Variants in CTNND2 observed in about 807,000 individuals in gnomAD.
The protein encoded by CTNND2 is catenin delta 2.
CTNND2 carries 22 observed loss-of-function variants against 144.4 expected under a neutral mutation model. The ratio of observed to expected loss-of-function variants is 0.15; its 90% confidence interval spans 0.11 to 0.22. CTNND2 has a LOEUF of 0.22. Ranked by LOEUF, CTNND2 falls within the 10% of genes least tolerant of loss-of-function variation. The pLI, the probability that CTNND2 is intolerant of heterozygous loss-of-function variation, is 1.00. For missense variants in CTNND2, 1,353 were observed against 1,618.8 expected (o/e 0.84, Z 2.82); for synonymous variants, 751 against 695.6 (o/e 1.08, Z -1.25).
At chr5:11,638,699 C>T (rs185577702) in intron 2 of CTNND2, among the ~76,000 whole-genome samples, 2 of 152,112 alleles carry the variant, frequency 1.3e-5, no homozygotes, top group African/African-American at 4.8e-5. Flanking sequence ...TCAGCCTCCC[C>T]AGTAGCTGGA....
intron 3 of CTNND2, among the ~76,000 whole-genome samples, chr5:11,466,128 A>C (rs2149944202): frequency 6.6e-6 from 1 of 152,224 alleles, no homozygotes; most frequent in South Asian, 2.1e-4. Context: ...CAGCCTCCTA[A>C]GTAGCTGGGA....
At chr5:11,652,789 A>G (rs1782711244) in intron 2 of CTNND2, among the ~76,000 whole-genome samples, 3 of 152,144 alleles carry the variant, frequency 2.0e-5, no homozygotes, top group Admixed American at 2.0e-4. Context: ...ATTATTAACT[A>G]TGGTTACCAT....
chr5:11,755,641 C>CTT (rs377766540), intron 1 of CTNND2, among the ~76,000 whole-genome samples: 28,614 of 140,034 alleles, frequency 0.2, 3,573 homozygotes, highest in African/African-American at 0.33. Flanking sequence ...GTTCATTCTT[C>CTT]TTTTTTTTTT....
intron 2 of CTNND2, among the ~76,000 whole-genome samples, chr5:11,670,258 A>C (rs1783812411): frequency 1.3e-5 from 2 of 152,164 alleles, no homozygotes; most frequent in African/African-American, 4.8e-5. Flanking sequence ...GTAGATGTTT[A>C]TTAGGTCTAC....
intron 11 of CTNND2, among the ~76,000 whole-genome samples, chr5:11,196,065 A>G (rs1736829325): frequency 6.6e-6 from 1 of 152,234 alleles, no homozygotes; most frequent in Non-Finnish European, 1.5e-5. Flanking sequence ...ATGTAAATGC[A>G]TGTAAATATC....
chr5:11,461,986 T>C (rs1443824896), intron 3 of CTNND2, among the ~76,000 whole-genome samples: 1 of 152,080 alleles, frequency 6.6e-6, no homozygotes, highest in Admixed American at 6.5e-5. Context: ...TGTTCTGAAC[T>C]GACAAAATAC....
At chr5:11,735,895 G>T (rs941559325) in intron 1 of CTNND2, among the ~76,000 whole-genome samples, 1 of 152,122 alleles carries the variant, frequency 6.6e-6, no homozygotes, top group African/African-American at 2.4e-5. Flanking sequence ...TAATACACAA[G>T]GAGCACCTCA....
At chr5:11,373,113 A>T (rs1757611341) in intron 7 of CTNND2, among the ~76,000 whole-genome samples, 1 of 152,242 alleles carries the variant, frequency 6.6e-6, no homozygotes, top group African/African-American at 2.4e-5. Flanking sequence ...CCATTCTATC[A>T]GCTGCTGCAG....
chr5:11,181,806 G>A (rs941299713), intron 11 of CTNND2, among the ~76,000 whole-genome samples: 13 of 147,856 alleles, frequency 8.8e-5, no homozygotes, highest in Admixed American at 4.0e-4. Context: ...TGTGTGTGTG[G>A]TGAATGCGTG....
At chr5:11,830,474 GA>G (rs916639075) in intron 1 of CTNND2, among the ~76,000 whole-genome samples, 8 of 152,240 alleles carry the variant, frequency 5.3e-5, no homozygotes, top group African/African-American at 1.9e-4. Flanking sequence ...TTTAAAAGGG[GA>G]TTTTCCCTGT....
At chr5:11,623,242 TC>T (rs1780940534) in intron 2 of CTNND2, among the ~76,000 whole-genome samples, 1 of 152,220 alleles carries the variant, frequency 6.6e-6, no homozygotes. Context: ...TTTGACTGTG[TC>T]CCCACCCAAA....
intron 9 of CTNND2, among the ~76,000 whole-genome samples, chr5:11,298,078 A>C (rs1199607298): frequency 6.6e-6 from 1 of 152,212 alleles, no homozygotes; most frequent in Non-Finnish European, 1.5e-5. Context: ...ATGCCAGTGT[A>C]ACTGCACCTA....
chr5:11,903,543 G>A lies in CTNND2; in HGVS notation c.37+274C>T. 6.6e-6 allele frequency among the ~76,000 whole-genome samples: 1 copy of A among 152,132 alleles called. No homozygotes were observed. The highest frequency in any genetic ancestry group is 1.5e-5 in the Non-Finnish European group (1 of 68,030). ...TGCCCTAAATACGCTTCCTCCCGGG[G>A]AGATGGGTGGCAGGGAGGGGGAGCA... On this transcript the variant is annotated intron_variant, in intron 1 of 21. Transcript: ENST00000304623. This position sits in a 1 kb window ranked among gnomAD's most constrained non-coding sequence, Gnocchi z 5.4.
At chr5:11,480,484 T>C (rs182710733) in intron 3 of CTNND2, among the ~76,000 whole-genome samples, 427 of 152,304 alleles carry the variant, frequency 2.8e-3, no homozygotes, top group Non-Finnish European at 4.8e-3. Flanking sequence ...GTAAGTTAGG[T>C]GCTTAAAGAA....
intron 9 of CTNND2, among the ~76,000 whole-genome samples, chr5:11,289,998 T>C (rs1271187683): frequency 1.3e-5 from 2 of 152,154 alleles, no homozygotes; most frequent in African/African-American, 4.8e-5. Context: ...TCACGCAGCA[T>C]CAGAAAATGG....
intron 2 of CTNND2, among the ~76,000 whole-genome samples, chr5:11,665,195 A>G (rs543048930): frequency 3.9e-5 from 6 of 152,232 alleles, no homozygotes; most frequent in African/African-American, 1.4e-4. Context: ...TAATAGAGAA[A>G]TTGTGTAGCT....
chr5:11,039,589 T>G (rs1744469770), intron 16 of CTNND2, among the ~76,000 whole-genome samples: 1 of 152,170 alleles, frequency 6.6e-6, no homozygotes, highest in Admixed American at 6.5e-5. Flanking sequence ...TTTTATAATC[T>G]GCCTGTTGTT....
intron 2 of CTNND2, among the ~76,000 whole-genome samples, chr5:11,604,004 T>C (rs77969542): frequency 0.013 from 1,907 of 152,354 alleles, 27 homozygotes; most frequent in African/African-American, 0.04. Context: ...AATTGGTATT[T>C]TCCTTTTTAA....
intron 1 of CTNND2, among the ~76,000 whole-genome samples, chr5:11,897,324 T>C (rs996783756): frequency 2.6e-5 from 4 of 152,218 alleles, no homozygotes; most frequent in Non-Finnish European, 5.9e-5. Context: ...AAGTGAGCAT[T>C]TTTAGATTGA....
Sources: allele counts gnomAD v4.1 joint callset (sites outside exome capture counted in the v4.1 genomes callset), GRCh38; gene constraint gnomAD v4.1.1; non-coding constraint Gnocchi (gnomAD v3.1); transcripts MANE v1.5; gene names NCBI Gene and HGNC (gene_info 2026-07-23, HGNC 2026-07-21).